Variants in KIAA1217 observed in about 807,000 individuals in gnomAD.
KIAA1217 encodes the protein KIAA1217.
Under a neutral mutation model 163.9 loss-of-function variants are expected in KIAA1217, and 88 were observed. The observed-to-expected ratio is 0.54, with a 90% CI of 0.45 to 0.64. The LOEUF (loss-of-function observed/expected upper bound fraction) is 0.64. Among genes scored for constraint, KIAA1217 ranks in the 30% least tolerant of loss-of-function variants. The pLI is 0.00. For missense variants in KIAA1217, 2,372 were observed against 2,475.0 expected (o/e 0.96, Z 0.88); for synonymous variants, 903 against 923.1 (o/e 0.98, Z 0.39).
intron 2 of KIAA1217, among the ~76,000 whole-genome samples, chr10:24,110,291 G>A (rs959517171): frequency 1.3e-5 from 2 of 152,120 alleles, no homozygotes; most frequent in African/African-American, 4.8e-5. Context: ...TATGAGAGAA[G>A]TATTATTAAA....
upstream of KIAA1217, chr10:24,209,133 C>T: frequency 6.5e-7 from 1 of 1,534,428 alleles, no homozygotes; most frequent in Non-Finnish European, 9.0e-7. Context: ...TTTCTGGGAG[C>T]TTTTAGAACT....
At chr10:24,232,254 G>A (rs1383733697) in intron 2 of KIAA1217, among the ~76,000 whole-genome samples, 1 of 152,154 alleles carries the variant, frequency 6.6e-6, no homozygotes, top group Non-Finnish European at 1.5e-5. Context: ...TACAGTTGAC[G>A]TTAATCACCC....
At chr10:23,970,188 C>T (rs1845256077) in intron 1 of KIAA1217, among the ~76,000 whole-genome samples, 1 of 152,142 alleles carries the variant, frequency 6.6e-6, no homozygotes, top group Admixed American at 6.5e-5. Context: ...TGCTTTTGTT[C>T]TTGTATTAGA....
At chr10:24,216,300 T>C (rs1365291501) in intron 1 of KIAA1217, among the ~76,000 whole-genome samples, 1 of 152,158 alleles carries the variant, frequency 6.6e-6, no homozygotes, top group Non-Finnish European at 1.5e-5. Context: ...ATAGATCATA[T>C]GAGCCTGTGC....
At chr10:23,768,343 G>A (rs765909475) in intron 1 of KIAA1217, among the ~76,000 whole-genome samples, 8 of 152,192 alleles carry the variant, frequency 5.3e-5, no homozygotes, top group Non-Finnish European at 8.8e-5. Context: ...ACATGAGCAG[G>A]GATTCTTGCT....
intron 2 of KIAA1217, among the ~76,000 whole-genome samples, chr10:24,272,278 C>T (rs2076846710): frequency 6.6e-6 from 1 of 152,164 alleles, no homozygotes; most frequent in Non-Finnish European, 1.5e-5. Context: ...GAACTCTGGA[C>T]TAGTAGCTAG....
At position 23,776,278 on chromosome 10, in the gene KIAA1217, T is replaced by C. The variant is rs1323745721; in HGVS notation, c.-321+81044T>C. Among the ~76,000 whole-genome samples, 3 of 152,130 alleles carry C rather than the reference T, an allele frequency of 2.0e-5. No individual in the cohort carries two copies. In the South Asian group the frequency reaches 6.2e-4, roughly 32 times the overall value. On this transcript the variant is annotated intron_variant, in intron 1 of 18. Transcript: ENST00000376462. ...CACTGGTAACAGTGTAGTTTATAAC[T>C]TAATTCCTTTTAAAGTAATTTAGTC...
intron 1 of KIAA1217, among the ~76,000 whole-genome samples, chr10:23,761,297 C>A (rs183453313): frequency 2.2e-4 from 33 of 152,226 alleles, no homozygotes; most frequent in African/African-American, 7.7e-4. Context: ...CTTCTGCTAG[C>A]TTTTGGATTA....
At chr10:23,800,948 C>G (rs980079427) in intron 1 of KIAA1217, among the ~76,000 whole-genome samples, 1 of 152,076 alleles carries the variant, frequency 6.6e-6, no homozygotes, top group African/African-American at 2.4e-5. Context: ...CCGGAAATAC[C>G]ATTTGACCTA....
chr10:24,518,435 T>C (rs967437351), intron 10 of KIAA1217, among the ~76,000 whole-genome samples: 2 of 152,198 alleles, frequency 1.3e-5, no homozygotes, highest in Admixed American at 6.5e-5. Flanking sequence ...GTATGCAAGG[T>C]TGTGAAATCC....
intron 2 of KIAA1217, among the ~76,000 whole-genome samples, chr10:24,190,263 G>A (rs1246261272): frequency 1.1e-4 from 16 of 152,058 alleles, no homozygotes; most frequent in Admixed American, 1.0e-3. Flanking sequence ...AAAGACTGGG[G>A]AAAGTCAAAG....
intron 1 of KIAA1217, among the ~76,000 whole-genome samples, chr10:23,800,036 T>G (rs1836395795): frequency 6.6e-6 from 1 of 152,174 alleles, no homozygotes; most frequent in South Asian, 2.1e-4. Context: ...CTGTCACCAC[T>G]GGGTATCTTA....
intron 3 of KIAA1217, among the ~76,000 whole-genome samples, chr10:24,423,581 TC>T (rs2058933774): frequency 6.6e-6 from 1 of 152,194 alleles, no homozygotes; most frequent in African/African-American, 2.4e-5. Context: ...TGCCTTAGCC[TC>T]CCAAGTAGCT....
In KIAA1217 at chr10:23,777,140, T is replaced by C. The variant is rs574427113; in HGVS notation, c.-321+81906T>C. Among the ~76,000 whole-genome samples, 3 of 152,328 alleles carry C rather than the reference T, an allele frequency of 2.0e-5. No individual in the cohort carries two copies. In the South Asian group the frequency reaches 6.2e-4, roughly 32 times the overall value. Reference sequence around the variant, plus strand: ...TTCAGTGAAAAGCTGGGAATAGCCATCTGGGAAACATGAACTCCAGAGAAA... The same window carrying C: ...TTCAGTGAAAAGCTGGGAATAGCCACCTGGGAAACATGAACTCCAGAGAAA... On this transcript the variant is annotated intron_variant, in intron 1 of 18. Transcript: ENST00000376462.
intron 2 of KIAA1217, among the ~76,000 whole-genome samples, chr10:24,146,152 A>G (rs2064299892): frequency 6.6e-6 from 1 of 152,202 alleles, no homozygotes; most frequent in Admixed American, 6.5e-5. Context: ...GTAAGGATCA[A>G]CCGTTTCATA....
chr10:24,460,904 T>A (rs2132588540), intron 5 of KIAA1217, among the ~76,000 whole-genome samples: 1 of 152,216 alleles, frequency 6.6e-6, no homozygotes, highest in South Asian at 2.1e-4. Flanking sequence ...CTGAAGGGGT[T>A]AAACCTACTA....
chr10:24,075,820 T>A (rs150290821), intron 2 of KIAA1217, among the ~76,000 whole-genome samples: 2,321 of 152,216 alleles, frequency 0.015, 74 homozygotes, highest in African/African-American at 0.054. Flanking sequence ...GTCAGGCTGG[T>A]CTTGAACTCC....
At chr10:24,128,520 G>C (rs2063545025) in intron 2 of KIAA1217, among the ~76,000 whole-genome samples, 1 of 152,166 alleles carries the variant, frequency 6.6e-6, no homozygotes, top group African/African-American at 2.4e-5. Context: ...TGCTTTTGTT[G>C]ATCCTGTCTG....
At chr10:24,302,495 T>C (rs2041486773) in intron 2 of KIAA1217, among the ~76,000 whole-genome samples, 1 of 152,206 alleles carries the variant, frequency 6.6e-6, no homozygotes, top group South Asian at 2.1e-4. Context: ...ATGTTTTCTA[T>C]GTCTATGTTG....
Sources: gnomAD v4.1 joint callset for allele counts (sites outside exome capture counted in the v4.1 genomes callset) on GRCh38, gnomAD v4.1.1 for gene constraint, MANE v1.5 for transcripts, NCBI Gene and HGNC (gene_info 2026-07-23, HGNC 2026-07-21) for gene names.